The following AHCY variants were observed in gnomAD, a reference collection of about 807,000 sequenced individuals.
AHCY encodes S-adenosyl-L-homocysteine hydrolase.
AHCY carries 24 observed loss-of-function variants against 45.4 expected under a neutral mutation model. That is an observed-to-expected ratio of 0.53 (90% CI 0.38 to 0.74). The LOEUF is 0.74. Ranked by LOEUF, AHCY falls within the 30% of genes least tolerant of loss-of-function variation. AHCY has a pLI of 0.00. For missense variants in AHCY, 449 were observed against 594.1 expected (o/e 0.76, Z 2.54); for synonymous variants, 245 against 235.1 (o/e 1.04, Z -0.39).
the AHCY span, chr20:34,260,311 C>T: frequency 2.6e-6 from 4 of 1,536,222 alleles, no homozygotes; most frequent in African/African-American, 1.4e-5. Context: ...GCAGGAAGGC[C>T]TCTTACCATT....
the AHCY span, among the ~76,000 whole-genome samples, chr20:34,270,703 TGAA>T: frequency 6.6e-6 from 1 of 152,210 alleles, no homozygotes; most frequent in Non-Finnish European, 1.5e-5. Context: ...GACATAGTGG[TGAA>T]GAAGTCCAAT....
chr20:34,291,053 G>A (rs532916496), intron 5 of AHCY, 115 bp from the exon 6 acceptor site: 36 of 1,034,608 alleles, frequency 3.5e-5, no homozygotes, highest in African/African-American at 1.6e-4. Context: ...CAAGCATCCC[G>A]GCCTGGGCTG....
the AHCY span, chr20:34,269,345 C>T: frequency 1.3e-6 from 1 of 749,256 alleles, no homozygotes; most frequent in South Asian, 2.5e-5. Flanking sequence ...ATAGGCTGCT[C>T]GAAGGTGTGC....
chr20:34,309,584 G>A (rs1027800531), intron 1 of AHCY, among the ~76,000 whole-genome samples: 5 of 152,056 alleles, frequency 3.3e-5, no homozygotes, highest in African/African-American at 9.7e-5. Context: ...CAGATCACAA[G>A]GTCAGGATTT....
chr20:34,274,712 C>T, the AHCY span, among the ~76,000 whole-genome samples: 2 of 151,714 alleles, frequency 1.3e-5, no homozygotes, highest in Non-Finnish European at 2.9e-5. Context: ...TTTGGGAGGC[C>T]GAGGCAGGAG....
the AHCY span, among the ~76,000 whole-genome samples, chr20:34,274,489 G>A: frequency 2.6e-5 from 4 of 152,194 alleles, no homozygotes; most frequent in South Asian, 6.2e-4. Context: ...GTACCCAACA[G>A]ACTCCCCATG....
At chr20:34,260,558 C>G in the AHCY span, 2 of 1,587,148 alleles carry the variant, frequency 1.3e-6, no homozygotes, top group African/African-American at 2.7e-5. Flanking sequence ...CCTCTGGGCT[C>G]TGGCCCAGGA....
chr20:34,260,632 G>C, the AHCY span: 1 of 1,321,660 alleles, frequency 7.6e-7, no homozygotes, highest in African/African-American at 1.5e-5. Flanking sequence ...CCATGGTCAC[G>C]GCTCCTTCTT....
intron 5 of AHCY, 82 bp from the exon 6 acceptor site, chr20:34,291,020 G>A: frequency 1.4e-6 from 2 of 1,408,672 alleles, no homozygotes; most frequent in Non-Finnish European, 2.0e-6. Context: ...GTATTCTGAA[G>A]AGCCCAGGCA....
At chr20:34,310,861 C>T (rs148538336) in intron 1 of AHCY, among the ~76,000 whole-genome samples, 2 of 151,974 alleles carry the variant, frequency 1.3e-5, no homozygotes, top group East Asian at 1.9e-4. Flanking sequence ...CGTGGTGGCT[C>T]ATGTCTGTAA....
rs990762723 is a variant in AHCY, at chr20:34,309,642, G to A, written c.-57+1830C>T. 3.9e-5 allele frequency among the ~76,000 whole-genome samples: 6 copies of A among 152,192 alleles called. 1 individual carries two copies. Among genetic ancestry groups the A allele is most frequent in the South Asian group, 4.2e-4 (2 of 4,818 alleles). Reference sequence around the variant, plus strand: ...CTAAAAATACAAAAATTAGCCGGGCGTGGTGGCAGGCACTTGTAATCCCAG... The same window carrying A: ...CTAAAAATACAAAAATTAGCCGGGCATGGTGGCAGGCACTTGTAATCCCAG... On this transcript the variant is annotated intron_variant, in intron 1 of 9. Coordinates refer to the AHCY transcript ENST00000538132.
chr20:34,245,636 G>A, the AHCY span, among the ~76,000 whole-genome samples: 17 of 151,684 alleles, frequency 1.1e-4, no homozygotes, highest in African/African-American at 3.9e-4. Context: ...TGATCCACCC[G>A]CCTTGGCCTC....
the AHCY span, among the ~76,000 whole-genome samples, chr20:34,258,698 A>ATATATATATATATATATATACAC: frequency 1.6e-5 from 1 of 62,050 alleles, no homozygotes; most frequent in African/African-American, 8.8e-5. Context: ...TATACATACT[A>ATATATATATATATATATATACAC]TATATATATA....
the AHCY span, among the ~76,000 whole-genome samples, chr20:34,274,643 C>T: frequency 6.6e-6 from 1 of 152,054 alleles, no homozygotes; most frequent in African/African-American, 2.4e-5. Context: ...CAGGATAGGG[C>T]ACTGATAAAG....
At chr20:34,262,756 C>A in the AHCY span, 4 of 1,546,040 alleles carry the variant, frequency 2.6e-6, no homozygotes, top group African/African-American at 1.4e-5. Flanking sequence ...CCCAAGCCCC[C>A]TCTGCCCCTC....
At chr20:34,262,683 G>A in the AHCY span, 6 of 780,762 alleles carry the variant, frequency 7.7e-6, no homozygotes, top group East Asian at 1.3e-4. Context: ...GAACCTACTG[G>A]CTTGAGTCCT....
At chr20:34,261,294 T>C in the AHCY span, among the ~76,000 whole-genome samples, 1 of 151,164 alleles carries the variant, frequency 6.6e-6, no homozygotes, top group Non-Finnish European at 1.5e-5. Flanking sequence ...AGCCTAGGAG[T>C]TCAAGACCAG....
intron 5 of AHCY, 75 bp from the exon 6 acceptor site, chr20:34,291,013 T>C (rs1043458993): frequency 1.1e-5 from 16 of 1,462,110 alleles, no homozygotes; most frequent in African/African-American, 1.4e-5. Flanking sequence ...CCTCAGAGTA[T>C]TCTGAAGAGC....
chr20:34,247,925 G>T, the AHCY span, among the ~76,000 whole-genome samples: 1 of 152,164 alleles, frequency 6.6e-6, no homozygotes, highest in African/African-American at 2.4e-5. Context: ...GCCCCTGAAG[G>T]CCGGGCGCAG....
Sources: gnomAD v4.1 joint callset for allele counts (sites outside exome capture counted in the v4.1 genomes callset) on GRCh38, gnomAD v4.1.1 for gene constraint, MANE v1.5 for transcripts, NCBI Gene and HGNC (gene_info 2026-07-23, HGNC 2026-07-21) for gene names.